Variants in HNRNPUL2 observed in about 807,000 individuals in gnomAD.
HNRNPUL2 encodes the protein heterogeneous nuclear ribonucleoprotein U like 2.
In HNRNPUL2, 27 loss-of-function variants were observed where a neutral mutation model predicts 102.2. The observed-to-expected ratio is 0.26, with a 90% confidence interval of 0.19 to 0.36. The LOEUF (loss-of-function observed/expected upper bound fraction) is 0.36. HNRNPUL2 is among the 10% of genes least tolerant of loss of function. The pLI, the probability that HNRNPUL2 is intolerant of heterozygous loss-of-function variation, is 1.00. For synonymous variants in HNRNPUL2, 458 were observed against 387.2 expected, an observed-to-expected ratio of 1.18 and a Z score of -2.15; for missense variants, 936 against 981.1, an observed-to-expected ratio of 0.95 and a Z score of 0.61.
In HNRNPUL2 at chr11:62,726,885, T is replaced by C; in HGVS notation, c.272A>G (p.Glu91Gly). ...AGGGGGTGGCTCCTCGTCCTCGTCCTCAAGCAGCGCCTCCTCGTCCTCCTC... is the reference window on the plus strand; with the variant it reads ...AGGGGGTGGCTCCTCGTCCTCGTCCCCAAGCAGCGCCTCCTCGTCCTCCTC... Reference protein sequence around the residue: ...EEEEDEEALLEDEDEEPPPAQ... With the variant: ...EEEEDEEALLGDEDEEPPPAQ... Residue 91 changes from glutamate to glycine, a missense_variant, in exon 1 of 14, where the codon GAG becomes GGG. Glu to Gly is a moderately conservative substitution (Grantham distance 98). This residue lies in a region of HNRNPUL2 where 327 missense variants were observed against 268.1 expected (regional missense o/e 1.22). Coordinates refer to ENST00000301785, the MANE Select transcript of HNRNPUL2 (RefSeq NM_001079559.3). The C allele has an allele frequency of 3.2e-6, 5 of 1,575,546 alleles. No homozygotes were observed. Among genetic ancestry groups the C allele is most frequent in the Non-Finnish European group, 4.3e-6 (5 of 1,170,216 alleles).
At chr11:62,725,372 T>C (rs2083737480) in intron 1 of HNRNPUL2, among the ~76,000 whole-genome samples, 1 of 152,170 alleles carries the variant, frequency 6.6e-6, no homozygotes, top group African/African-American at 2.4e-5. Context: ...TAATATTTTG[T>C]ATTTTTACTA....
Position 62,726,892 on chromosome 11 carries a change from G to A in HNRNPUL2, c.265C>T (p.Leu89=). Residue 89 remains leucine (L), a synonymous_variant, in exon 1 of 14, where the codon CTG becomes TTG. Transcript: ENST00000301785. ...EEEEEEDEEA[L]LEDEDEEPPP... ...GGCTCCTCGTCCTCGTCCTCAAGCA[G>A]CGCCTCCTCGTCCTCCTCCTCCTCC... 5 of 1,567,880 alleles carry A rather than the reference G, an allele frequency of 3.2e-6. No homozygotes were observed. Among genetic ancestry groups the A allele is most frequent in the Non-Finnish European group, 1.7e-6 (2 of 1,166,740 alleles).
intron 8 of HNRNPUL2, 76 bp downstream of exon 8, chr11:62,721,742 TGA>T: frequency 6.7e-7 from 1 of 1,484,320 alleles, no homozygotes; most frequent in Non-Finnish European, 9.3e-7. Flanking sequence ...CTCAGACACT[TGA>T]GACTAATTCT....
intron 10 of HNRNPUL2, 119 bp downstream of exon 10, chr11:62,719,898 GATGCTA>G: frequency 1.2e-6 from 1 of 856,788 alleles, no homozygotes; most frequent in South Asian, 1.7e-5. Context: ...GACCTCACCA[GATGCTA>G]ATGCTATGCT....
At chr11:62,723,553 A>T (rs371835596) in intron 4 of HNRNPUL2, 34 bp downstream of exon 4, 1 of 1,524,756 alleles carries the variant, frequency 6.6e-7, no homozygotes, top group African/African-American at 1.4e-5. Flanking sequence ...CCAGTAATAA[A>T]TGAATGAATG....
chr11:62,726,591 G>C, intron 1 of HNRNPUL2, 28 bp downstream of exon 1: 3 of 1,506,324 alleles, frequency 2.0e-6, no homozygotes, highest in East Asian at 2.5e-5. Context: ...CGGCAGGTTG[G>C]AGCCGGGCTC....
At chr11:62,724,762 G>A (rs1316736437) in intron 1 of HNRNPUL2, among the ~76,000 whole-genome samples, 2 of 152,152 alleles carry the variant, frequency 1.3e-5, no homozygotes, top group African/African-American at 4.8e-5. Context: ...AGGTCTCTAA[G>A]AAAACCTCAA....
At chr11:62,716,370 A>T (rs1394699791) in intron 11 of HNRNPUL2, among the ~76,000 whole-genome samples, 1 of 152,206 alleles carries the variant, frequency 6.6e-6, no homozygotes. Context: ...GTCAGCATTT[A>T]CAGTACCTAG....
intron 12 of HNRNPUL2, 37 bp from the exon 13 acceptor site, chr11:62,715,644 G>T (rs1371141994): frequency 2.0e-6 from 3 of 1,511,120 alleles, no homozygotes; most frequent in African/African-American, 2.7e-5. Flanking sequence ...AAGGTTTATG[G>T]GTTTTTGGCA....
In HNRNPUL2 at chr11:62,724,000, T is replaced by C. The variant is rs1380605705; in HGVS notation, c.675-10A>G. The C allele has an allele frequency of 1.4e-5, 23 of 1,606,296 alleles. No homozygotes were observed. The highest frequency in any genetic ancestry group is 2.0e-5 in the Non-Finnish European group (23 of 1,173,266). On this transcript the variant is annotated splice_polypyrimidine_tract_variant and intron_variant, in intron 2 of 13. Coordinates refer to ENST00000301785, the MANE Select transcript of HNRNPUL2 (RefSeq NM_001079559.3). ...CAGTGGAGACTTTGAGCTATATATG[T>C]AAGATAGAAAAGAAACACAATGTAA...
Position 62,727,113 on chromosome 11 carries a change from A to T in HNRNPUL2, c.44T>A (p.Leu15Gln). Residue 15 changes from leucine (L) to glutamine (Q), a missense_variant, in exon 1 of 14, where the codon CTG (leucine) becomes CAG (glutamine). Physicochemically the swap from Leu to Gln is moderately radical, Grantham distance 113. This residue lies in a region of HNRNPUL2 where 327 missense variants were observed against 268.1 expected (regional missense o/e 1.22). Coordinates refer to ENST00000301785, the MANE Select transcript of HNRNPUL2 (RefSeq NM_001079559.3). ...RLKVTELRSELQRRGLDSRGL... is the reference protein window; with the variant it reads ...RLKVTELRSEQQRRGLDSRGL... ...GCGCGAGTCCAGGCCCCGCCGCTGC[A>T]GCTCCGACCGCAGCTCGGTCACTTT... 1 of 1,446,464 alleles carries T rather than the reference A, an allele frequency of 6.9e-7. No individual in the cohort carries two copies. The highest frequency in any genetic ancestry group is 2.5e-5 in the Admixed American group (1 of 39,634). 89.6% of individuals were successfully genotyped at this position (1,446,464 alleles called of 1,614,324 possible). A position where few individuals can be genotyped will look rare whatever the true frequency, so the allele number is the denominator to read the frequency against.
Position 62,726,831 on chromosome 11 carries a change from G to T in HNRNPUL2, c.326C>A (p.Pro109Gln). 6.3e-7 allele frequency: 1 copy of T among 1,590,150 alleles called. No homozygotes were observed. The change falls in exon 1 of 14, where the codon CCG becomes CAG. Residue 109 changes from proline to glutamine, a missense_variant. Physicochemically the swap from Pro to Gln is moderately conservative, Grantham distance 76. This residue lies in a region of HNRNPUL2 where 327 missense variants were observed against 268.1 expected (regional missense o/e 1.22). Coordinates refer to ENST00000301785, the MANE Select transcript of HNRNPUL2 (RefSeq NM_001079559.3). ...TGCCGCCTCCGGGGGCTCCGGCGGCGGCTGCGCGGCCTGACCCAAGGCTTG... is the reference window on the plus strand; with the variant it reads ...TGCCGCCTCCGGGGGCTCCGGCGGCTGCTGCGCGGCCTGACCCAAGGCTTG... ...PAQALGQAAQ[P>Q]PPEPPEAAAM...
Position 62,727,311 on chromosome 11 carries a change from G to T in HNRNPUL2, c.-155C>A. 2.1e-6 allele frequency: 2 copies of T among 955,084 alleles called. No individual in the cohort carries two copies. Among genetic ancestry groups the T allele is most frequent in the Non-Finnish European group, 2.7e-6 (2 of 742,664 alleles). The allele number at this position is 955,084 out of a possible 1,614,324, so 59.2% of individuals were successfully genotyped here. A position where few individuals can be genotyped will look rare whatever the true frequency, so the allele number is the denominator to read the frequency against. On this transcript the variant is annotated 5_prime_UTR_variant, in exon 1 of 14. Transcript: ENST00000301785. ...GCGCACGCACGCAGGAGCGGAGGCCGCGCACGGTCCCGCTGCGCAGTGTTT... is the reference window on the plus strand; with the variant it reads ...GCGCACGCACGCAGGAGCGGAGGCCTCGCACGGTCCCGCTGCGCAGTGTTT...
In HNRNPUL2 at chr11:62,722,694, G is replaced by A. The variant is rs747560200; in HGVS notation, c.1002C>T (p.Tyr334=). Residue 334 remains tyrosine, a synonymous_variant, in exon 6 of 14, where the codon TAC becomes TAT. Coordinates refer to ENST00000301785, the MANE Select transcript of HNRNPUL2 (RefSeq NM_001079559.3). ...RPQLGEDEFS[Y]GFDGRGLKAE... is the part of the protein sequence containing the mutation. ...CCTTGAGTCCTCGTCCATCGAAACC[G>A]TAAGAGAATTCATCTTCACCTAGAA... is the stretch of plus-strand genomic sequence containing the variant. 1.2e-5 allele frequency: 20 copies of A among 1,613,820 alleles called. No individual in the cohort carries two copies. The highest frequency in any genetic ancestry group is 1.1e-4 in the South Asian group (10 of 91,084).
chr11:62,717,155 C>G lies in HNRNPUL2; in HGVS notation c.1815G>C (p.Met605Ile). Reference protein sequence around the residue: ...NFSLPEKCDYMDEVTYGELEK... With the variant: ...NFSLPEKCDYIDEVTYGELEK... ...CCAGCTCCCCATATGTCACCTCATC[C>G]ATATAGTCGCATTTTTCAGGCAAAG... is the stretch of plus-strand genomic sequence containing the variant. The change falls in exon 11 of 14, where the codon ATG becomes ATC. Residue 605 changes from methionine to isoleucine, a missense_variant. Transcript: ENST00000301785. The G allele has an allele frequency of 1.2e-6, 2 of 1,614,032 alleles. No homozygotes were observed. The highest frequency in any genetic ancestry group is 3.3e-5 in the Admixed American group (2 of 60,020).
chr11:62,718,169 G>A (rs985034478), intron 10 of HNRNPUL2, among the ~76,000 whole-genome samples: 2 of 151,942 alleles, frequency 1.3e-5, no homozygotes, highest in Non-Finnish European at 2.9e-5. Flanking sequence ...TGCTAGACTC[G>A]GTGGGATGTC....
In HNRNPUL2 at chr11:62,722,393, G is replaced by A; in HGVS notation, c.1096-13C>T. The stretch of plus-strand genomic sequence containing the variant: ...CAGTCTCAAAATTCTACAATGACAA[G>A]GGACAAGAGCACTTATTGGCTGACG... On this transcript the variant is annotated splice_polypyrimidine_tract_variant and intron_variant, in intron 6 of 13. Coordinates refer to ENST00000301785, the MANE Select transcript of HNRNPUL2 (RefSeq NM_001079559.3). The A allele has an allele frequency of 6.2e-7, 1 of 1,611,938 alleles. No homozygotes were observed. The highest frequency in any genetic ancestry group is 8.5e-7 in the Non-Finnish European group (1 of 1,178,866).
Position 62,724,310 on chromosome 11 carries a change from C to T in HNRNPUL2, c.655G>A (p.Glu219Lys). 6.2e-7 allele frequency: 1 copy of T among 1,614,192 alleles called. No individual in the cohort carries two copies. The highest frequency in any genetic ancestry group is 8.5e-7 in the Non-Finnish European group (1 of 1,180,038). ...EHGRAYYEFREEAYHSRSKSP... is the reference protein window; with the variant it reads ...EHGRAYYEFRKEAYHSRSKSP... ...CCTCACCGGCTGTGGTAAGCCTCCT[C>T]TCGGAATTCATAGTAAGCTCGGCCA... The change falls in exon 2 of 14, where the codon GAG (glutamate) becomes AAG (lysine). Residue 219 changes from glutamate (E) to lysine (K), a missense_variant. Glu to Lys is a moderately conservative substitution (Grantham distance 56, BLOSUM62 1). Around this residue, in one of 2 missense-constraint regions of HNRNPUL2, gnomAD observed 609 missense variants for 713.0 expected, o/e 0.85. Transcript: ENST00000301785.
At chr11:62,725,214 T>C (rs2083735931) in intron 1 of HNRNPUL2, among the ~76,000 whole-genome samples, 2 of 152,246 alleles carry the variant, frequency 1.3e-5, no homozygotes, top group South Asian at 2.1e-4. Context: ...ATATATTTTT[T>C]TGAGACAGAG....
Sources: gnomAD v4.1 joint callset for allele counts (sites outside exome capture counted in the v4.1 genomes callset) on GRCh38, gnomAD v4.1.1 for gene constraint, gnomAD v4.1.1 regional missense constraint, MANE v1.5 for transcripts, NCBI Gene and HGNC (gene_info 2026-07-23, HGNC 2026-07-21) for gene names.